The following HOXB3 variants were observed in gnomAD, a reference collection of about 807,000 sequenced individuals.
HOXB3 encodes the protein homeobox B3.
A neutral mutation model predicts 29.2 loss-of-function variants in HOXB3; 17 were observed. The ratio of observed to expected loss-of-function variants is 0.58; its 90% confidence interval spans 0.40 to 0.87. HOXB3 has a LOEUF of 0.87. HOXB3 is among the 40% of genes least tolerant of loss of function. The probability of loss-of-function intolerance (pLI) is 0.00; values close to 1 mark genes in which losing one functional copy is unlikely to be tolerated. For synonymous variants in HOXB3, 317 were observed against 285.9 expected (o/e 1.11, Z -1.10); for missense variants, 637 against 616.3 (o/e 1.03, Z -0.35).
chr17:48,579,934 AAGAC>A (rs772623633), intron 1 of HOXB3: 4 of 516,920 alleles, frequency 7.7e-6, no homozygotes, highest in South Asian at 1.5e-5. Flanking sequence ...GTATATACAG[AAGAC>A]AGACAGATCT....
intron 2 of HOXB3, among the ~76,000 whole-genome samples, chr17:48,572,886 C>T (rs1483957716): frequency 2.0e-5 from 3 of 152,116 alleles, no homozygotes; most frequent in Non-Finnish European, 2.9e-5. Flanking sequence ...CCAGTCTCAG[C>T]GAGGTCAAGG....
At chr17:48,576,722 C>T in intron 1 of HOXB3, 1 of 1,601,520 alleles carries the variant, frequency 6.2e-7, no homozygotes, top group Non-Finnish European at 8.5e-7. Context: ...TGCGGGGGCA[C>T]TAGAGCGCGC....
At chr17:48,568,223 A>G (rs970051168) in intron 2 of HOXB3, among the ~76,000 whole-genome samples, 2 of 152,036 alleles carry the variant, frequency 1.3e-5, no homozygotes, top group African/African-American at 4.8e-5. Flanking sequence ...CCTGGAGGGG[A>G]GCTGCTAAAA....
intron 1 of HOXB3, chr17:48,580,120 T>A (rs1365365439): frequency 3.1e-6 from 1 of 323,674 alleles, no homozygotes; most frequent in Non-Finnish European, 6.1e-6. Flanking sequence ...TCCTCTTCTA[T>A]TAGAATTTCA....
chr17:48,555,371 A>AGC (rs2068938988), intron 3 of HOXB3, 160 bp downstream of exon 3: 1 of 476,896 alleles, frequency 2.1e-6, no homozygotes, highest in Non-Finnish European at 3.6e-6. Context: ...AGAGGGAGGG[A>AGC]GGGAGGGAGG....
chr17:48,568,650 C>T (rs1018046017), intron 2 of HOXB3, among the ~76,000 whole-genome samples: 4 of 151,068 alleles, frequency 2.6e-5, no homozygotes, highest in East Asian at 1.9e-4. Flanking sequence ...CACACACGCG[C>T]GGACACACAC....
intron 4 of HOXB3, 113 bp from the exon 5 acceptor site, chr17:48,551,294 CCCCCGCCGCCCTCCCCTTCGGGT>C (rs1461289983): frequency 5.0e-6 from 6 of 1,189,556 alleles, no homozygotes; most frequent in Non-Finnish European, 6.3e-6. Flanking sequence ...GGACTCAGAG[CCCCCGCCGCCCTCCCCTTCGGGT>C]CCCCGCCGCC....
At chr17:48,579,436 G>A (rs1402167219) in intron 1 of HOXB3, 1 of 152,734 alleles carries the variant, frequency 6.5e-6, no homozygotes, top group East Asian at 1.9e-4. Flanking sequence ...AGGTCATCTT[G>A]TTCTGAACTG....
intron 1 of HOXB3, among the ~76,000 whole-genome samples, chr17:48,582,813 CCT>C (rs2144911538): frequency 6.6e-6 from 1 of 152,318 alleles, no homozygotes; most frequent in East Asian, 1.9e-4. Flanking sequence ...CGGCCACGCC[CCT>C]GTTTTGATTT....
Position 48,551,014 on chromosome 17 carries a change from C to A in HOXB3, c.616G>T (p.Glu206Ter). 1.2e-6 allele frequency: 2 copies of A among 1,612,422 alleles called. No individual in the cohort carries two copies. Among genetic ancestry groups the A allele is most frequent in the Non-Finnish European group, 1.7e-6 (2 of 1,178,810 alleles). Residue 206 changes from glutamate (E) to a stop codon, truncating the protein, a stop_gained, in exon 5 of 5, where the codon GAG becomes TAG. Coordinates refer to ENST00000498678, the MANE Select transcript of HOXB3 (RefSeq NM_001384749.1). LOFTEE classifies it high-confidence loss of function. Reference sequence around the variant, plus strand: ...CACAGGTAGCGGTTAAAATGGAACTCCTTCTCCAGCTCCACCAGCTGCGCG... The same window carrying A: ...CACAGGTAGCGGTTAAAATGGAACTACTTCTCCAGCTCCACCAGCTGCGCG... ...TSAQLVELEK[E>*]FHFNRYLCRP...
At chr17:48,564,052 C>T (rs1441128086) in intron 2 of HOXB3, among the ~76,000 whole-genome samples, 1 of 152,056 alleles carries the variant, frequency 6.6e-6, no homozygotes, top group East Asian at 1.9e-4. Context: ...TCCCTTTACC[C>T]CCTTGAAGCC....
intron 1 of HOXB3, chr17:48,578,255 T>G: frequency 6.2e-7 from 1 of 1,614,058 alleles, no homozygotes; most frequent in Non-Finnish European, 8.5e-7. Context: ...CTGTGAATAT[T>G]CCTCGCATGG....
rs529346740 is a variant in HOXB3 at position 48,584,243 on chromosome 17, G to A, written c.-425+5882C>T. On this transcript the variant is annotated intron_variant, in intron 1 of 4. Coordinates refer to ENST00000498678, the MANE Select transcript of HOXB3 (RefSeq NM_001384749.1). ...TTCTCCTCCCTCATCCAAATAGGAAGAGAAGGAGTCAAGATGAACACACAA... is the reference window on the plus strand; with the variant it reads ...TTCTCCTCCCTCATCCAAATAGGAAAAGAAGGAGTCAAGATGAACACACAA... 2.6e-5 allele frequency among the ~76,000 whole-genome samples: 4 copies of A among 152,362 alleles called. No individual in the cohort carries two copies. The South Asian group carries it at 8.3e-4, about 32-fold the overall frequency.
Position 48,550,790 on chromosome 17 carries a change from G to A in HOXB3, c.840C>T (p.His280=), listed in dbSNP as rs2068700832. The A allele has an allele frequency of 6.2e-7, 1 of 1,613,064 alleles. No individual in the cohort carries two copies. Among genetic ancestry groups the A allele is most frequent in the South Asian group, 1.1e-5 (1 of 90,996 alleles). The part of the protein sequence containing the change: ...QSTAGFMNAL[H]SMTPSYESPS... ...GGCTCTCGTAGCTGGGGGTCATGGA[G>A]TGTAAGGCGTTCATGAAGCCGGCCG... is the stretch of plus-strand genomic sequence containing the variant. Residue 280 remains histidine, a synonymous_variant, in exon 5 of 5, where the codon CAC becomes CAT. Coordinates refer to ENST00000498678, the MANE Select transcript of HOXB3 (RefSeq NM_001384749.1).
chr17:48,564,216 G>A (rs2069301262), intron 2 of HOXB3, among the ~76,000 whole-genome samples: 1 of 151,866 alleles, frequency 6.6e-6, no homozygotes, highest in Non-Finnish European at 1.5e-5. Context: ...ACACTTACCT[G>A]TGCGGTCTTC....
rs746847989 is a variant in HOXB3 at position 48,551,143 on chromosome 17, C to G, written c.487G>C (p.Gly163Arg). The G allele has an allele frequency of 3.1e-6, 4 of 1,302,716 alleles. No homozygotes were observed. In the Admixed American group the frequency reaches 9.5e-5, roughly 31 times the overall value. 80.7% of individuals were successfully genotyped at this position (1,302,716 alleles called of 1,614,324 possible). A position where few individuals can be genotyped will look rare whatever the true frequency, so the allele number is the denominator to read the frequency against. The change falls in exon 5 of 5, where the codon GGA (glycine) becomes CGA (arginine). Residue 163 changes from glycine to arginine, a missense_variant. Coordinates refer to ENST00000498678, the MANE Select transcript of HOXB3 (RefSeq NM_001384749.1). The stretch of plus-strand genomic sequence containing the variant: ...CCGCCCCCGCTGCCACCACTGCCTC[C>G]GCCGCCGCCGCCACCGCCGCCGCCA... ...CGGGGGGGGG[G>R]GSGGSGGGGG...
chr17:48,555,370 G>T lies in HOXB3; in HGVS notation c.-159+161C>A, dbSNP rs1271551414. The T allele has an allele frequency of 1.7e-4, 92 of 541,508 alleles. No homozygotes were observed. The African/African-American group carries it at 2.7e-3, about 16-fold the overall frequency. The allele number at this position is 541,508 out of a possible 1,614,324, so 33.5% of individuals were successfully genotyped here. A position where few individuals can be genotyped will look rare whatever the true frequency, so the allele number is the denominator to read the frequency against. ...AGAGAGAGAGAGAGAGAGAGGGAGG[G>T]AGGGAGGGAGGGAGGGAGGGAGAGA... On this transcript the variant is annotated intron_variant, in intron 3 of 4. Transcript: ENST00000498678.
In HOXB3 at chr17:48,567,234, C is replaced by T. The variant is rs137894551; in HGVS notation, c.-247+6603G>A. Among the ~76,000 whole-genome samples, 18 of 152,316 alleles carry T rather than the reference C, an allele frequency of 1.2e-4. No homozygotes were observed. The East Asian group carries it at 2.3e-3, about 20-fold the overall frequency. On this transcript the variant is annotated intron_variant, in intron 2 of 4. Coordinates refer to ENST00000498678, the MANE Select transcript of HOXB3 (RefSeq NM_001384749.1). Reference sequence around the variant, plus strand: ...GTTCACTTGGAGCAGAGTGTGGGAGCGAGCTCCTGGATGCTGCAGGGACTG... The same window carrying T: ...GTTCACTTGGAGCAGAGTGTGGGAGTGAGCTCCTGGATGCTGCAGGGACTG...
chr17:48,579,805 CATATAT>C (rs756061773), intron 1 of HOXB3: 1 of 433,492 alleles, frequency 2.3e-6, no homozygotes, highest in African/African-American at 2.2e-5. Context: ...ACTACATATA[CATATAT>C]ATATATTTTT....
Sources: allele counts gnomAD v4.1 joint callset (sites outside exome capture counted in the v4.1 genomes callset), GRCh38; gene constraint gnomAD v4.1.1; transcripts MANE v1.5; gene names NCBI Gene and HGNC (gene_info 2026-07-23, HGNC 2026-07-21).